The following ZNF423 variants were observed in gnomAD, a reference collection of about 807,000 sequenced individuals.
ZNF423 encodes the protein zinc finger protein 423.
ZNF423 carries 12 observed loss-of-function variants against 95.8 expected under a neutral mutation model. That is an observed-to-expected ratio of 0.13 (90% CI 0.08 to 0.20). The LOEUF (loss-of-function observed/expected upper bound fraction) is 0.20, where lower values mean the gene tolerates loss of function less well. Ranked by LOEUF, ZNF423 falls within the 10% of genes least tolerant of loss-of-function variation. The probability of loss-of-function intolerance (pLI) is 1.00; values close to 1 mark genes in which losing one functional copy is unlikely to be tolerated. For missense variants in ZNF423, 1,316 were observed against 1,737.1 expected, an observed-to-expected ratio of 0.76 and a Z score of 4.31; for synonymous variants, 749 against 711.9, an observed-to-expected ratio of 1.05 and a Z score of -0.83.
intron 5 of ZNF423, among the ~76,000 whole-genome samples, chr16:49,621,465 G>A (rs1421662838): frequency 6.6e-6 from 1 of 152,138 alleles, no homozygotes; most frequent in Non-Finnish European, 1.5e-5. Flanking sequence ...AGGGTCTCCG[G>A]GCTGCAGAGC....
intron 1 of ZNF423, among the ~76,000 whole-genome samples, chr16:49,806,543 G>C (rs1186473843): frequency 6.6e-6 from 1 of 152,182 alleles, no homozygotes; most frequent in Non-Finnish European, 1.5e-5. Context: ...ATAAATGTCA[G>C]TTCCTGGTTA....
At chr16:49,653,675 C>G (rs1260558835) in intron 3 of ZNF423, among the ~76,000 whole-genome samples, 1 of 152,162 alleles carries the variant, frequency 6.6e-6, no homozygotes, top group Non-Finnish European at 1.5e-5. Flanking sequence ...GCTCTCTCTC[C>G]TTTGCAGGGA....
intron 2 of ZNF423, among the ~76,000 whole-genome samples, chr16:49,733,798 G>A (rs1431426529): frequency 1.3e-5 from 2 of 152,150 alleles, no homozygotes; most frequent in East Asian, 3.9e-4. Flanking sequence ...AAGACCCAAG[G>A]GCCCCTCTGC....
At chr16:49,743,614 C>T (rs1054125752) in intron 2 of ZNF423, among the ~76,000 whole-genome samples, 8 of 152,074 alleles carry the variant, frequency 5.3e-5, no homozygotes, top group African/African-American at 1.2e-4. Context: ...AAGCCCGAAG[C>T]AGGCCCCTGG....
chr16:49,656,287 GA>G (rs1228514238), intron 3 of ZNF423, among the ~76,000 whole-genome samples: 2 of 152,152 alleles, frequency 1.3e-5, no homozygotes, highest in Admixed American at 1.3e-4. Context: ...GAGGCGGGTG[GA>G]TCACCTGAGG....
chr16:49,798,634 G>A (rs1425381836), intron 1 of ZNF423, among the ~76,000 whole-genome samples: 2 of 152,124 alleles, frequency 1.3e-5, no homozygotes, highest in Non-Finnish European at 2.9e-5. Flanking sequence ...AATTAAAGCA[G>A]AATATTCCAA....
At chr16:49,695,523 C>T (rs2031935838) in intron 3 of ZNF423, among the ~76,000 whole-genome samples, 1 of 152,214 alleles carries the variant, frequency 6.6e-6, no homozygotes, top group Admixed American at 6.5e-5. Context: ...GAACTCCCAA[C>T]CTCAGGTGAT....
At chr16:49,525,658 C>T (rs1357368150) in intron 5 of ZNF423, among the ~76,000 whole-genome samples, 164 bp from the exon 6 acceptor site, 3 of 152,140 alleles carry the variant, frequency 2.0e-5, no homozygotes, top group East Asian at 1.9e-4. Context: ...CTCCACATGG[C>T]CTCACCCCTA....
intron 5 of ZNF423, among the ~76,000 whole-genome samples, chr16:49,584,620 C>T (rs936744592): frequency 1.3e-5 from 2 of 152,120 alleles, no homozygotes; most frequent in Non-Finnish European, 2.9e-5. Flanking sequence ...GTCAACAGAG[C>T]TAGCTTCCTC....
chr16:49,552,297 G>A (rs1199723232), intron 5 of ZNF423, among the ~76,000 whole-genome samples: 2 of 152,186 alleles, frequency 1.3e-5, no homozygotes, highest in East Asian at 3.9e-4. Context: ...CCCTTTCTGA[G>A]CCTCAGTAAA....
intron 3 of ZNF423, among the ~76,000 whole-genome samples, chr16:49,642,801 CTTTTTTTT>C (rs55662710): frequency 3.1e-4 from 28 of 91,564 alleles, no homozygotes; most frequent in African/African-American, 5.5e-4. Flanking sequence ...GTTCTCTTTT[CTTTTTTTT>C]TTTTTTTTTT....
chr16:49,623,665 G>A (rs1972160735), intron 5 of ZNF423, among the ~76,000 whole-genome samples: 2 of 152,194 alleles, frequency 1.3e-5, no homozygotes, highest in South Asian at 2.1e-4. Context: ...GCTTTCAGAC[G>A]GAGAAATTAA....
intron 2 of ZNF423, among the ~76,000 whole-genome samples, chr16:49,746,004 T>C (rs77501389): frequency 0.013 from 2,017 of 152,166 alleles, 48 homozygotes; most frequent in African/African-American, 0.046. Context: ...TGAGGACAGG[T>C]GCAGGGGGAT....
At chr16:49,600,818 T>C (rs572735634) in intron 5 of ZNF423, among the ~76,000 whole-genome samples, 2 of 152,122 alleles carry the variant, frequency 1.3e-5, no homozygotes, top group South Asian at 2.1e-4. Context: ...AAGATACTAA[T>C]GACTACCACA....
At chr16:49,654,838 C>A (rs1973546681) in intron 3 of ZNF423, among the ~76,000 whole-genome samples, 1 of 152,192 alleles carries the variant, frequency 6.6e-6, no homozygotes, top group African/African-American at 2.4e-5. Flanking sequence ...AGGGCAGAGT[C>A]CACGCTTAGC....
chr16:49,755,521 A>G (rs1199546103), intron 2 of ZNF423, among the ~76,000 whole-genome samples: 1 of 152,184 alleles, frequency 6.6e-6, no homozygotes, highest in Non-Finnish European at 1.5e-5. Flanking sequence ...TTCGCTAATG[A>G]AAAAAACACA....
At position 49,637,486 on chromosome 16, in the gene ZNF423, T is replaced by A; in HGVS notation, c.1690A>T (p.Thr564Ser). ...AKLESPVVQP[T>S]QSFMEVYSCP... The stretch of plus-strand genomic sequence containing the variant: ...GAATAGACCTCCATGAAGGACTGCG[T>A]GGGCTGCACCACCGGAGACTCTAGT... The change falls in exon 4 of 8, where the codon ACG becomes TCG. Residue 564 changes from threonine (T) to serine (S), a missense_variant. Physicochemically the swap from Thr to Ser is moderately conservative, Grantham distance 58 (BLOSUM62 1). Coordinates refer to ENST00000563137, the MANE Select transcript of ZNF423 (RefSeq NM_001379286.1). The surrounding 1 kb of genome is among the most constrained non-coding windows in gnomAD (Gnocchi z 5.6). 6.2e-7 allele frequency: 1 copy of A among 1,613,974 alleles called. No individual in the cohort carries two copies. The highest frequency in any genetic ancestry group is 8.5e-7 in the Non-Finnish European group (1 of 1,180,000).
chr16:49,690,963 G>A (rs1211283429), intron 3 of ZNF423, among the ~76,000 whole-genome samples: 1 of 152,204 alleles, frequency 6.6e-6, no homozygotes, highest in Admixed American at 6.5e-5. Context: ...GGGAGCGTGT[G>A]GAGACAGGAG....
chr16:49,490,389 G>A lies in ZNF423; in HGVS notation c.*886C>T, dbSNP rs1966911914. The A allele has an allele frequency of 6.6e-6, 1 of 152,218 alleles. No homozygotes were observed. Among genetic ancestry groups the A allele is most frequent in the South Asian group, 2.1e-4 (1 of 4,828 alleles). The allele number at this position is 152,218 out of a possible 1,614,324, so 9.4% of individuals were successfully genotyped here. A position where few individuals can be genotyped will look rare whatever the true frequency, so the allele number is the denominator to read the frequency against. The stretch of plus-strand genomic sequence containing the variant: ...AGATCAGGGTATTCCATCATTAAGG[G>A]GTCTTCTGCTTTGACTCCTGTGGCC... On this transcript the variant is annotated 3_prime_UTR_variant, in exon 8 of 8. Coordinates refer to ENST00000563137, the MANE Select transcript of ZNF423 (RefSeq NM_001379286.1).
Sources: allele counts gnomAD v4.1 joint callset (sites outside exome capture counted in the v4.1 genomes callset), GRCh38; gene constraint gnomAD v4.1.1; non-coding constraint Gnocchi (gnomAD v3.1); transcripts MANE v1.5; gene names NCBI Gene and HGNC (gene_info 2026-07-23, HGNC 2026-07-21).